Variants in TRMT11 observed in about 807,000 individuals in gnomAD.
The protein encoded by TRMT11 is tRNA methyltransferase 11.
In TRMT11, 53 loss-of-function variants were observed where a neutral mutation model predicts 62.8. That is an observed-to-expected ratio of 0.84 (90% CI 0.68 to 1.06). The LOEUF (loss-of-function observed/expected upper bound fraction) is 1.06. Ranked by LOEUF, TRMT11 falls within the 50% of genes least tolerant of loss-of-function variation. TRMT11 has a pLI of 0.00. For synonymous variants in TRMT11, 188 were observed against 190.3 expected, an observed-to-expected ratio of 0.99 and a Z score of 0.10; for missense variants, 556 against 553.4, an observed-to-expected ratio of 1.00 and a Z score of -0.05.
At chr6:126,258,174 C>A in the TRMT11 span, 1 of 720,568 alleles carries the variant, frequency 1.4e-6, no homozygotes. Context: ...CTTTGTAGCT[C>A]CTTGTGGTAA....
rs1562320759 is a variant in TRMT11 at position 126,091,201 on chromosome 6, CTCAAA to C, written c.*1438-21664_*1438-21660del. Among the ~76,000 whole-genome samples, 458 of 63,056 alleles carry C rather than the reference CTCAAA, an allele frequency of 7.3e-3. 4 individuals are homozygous for C. Among genetic ancestry groups the C allele is most frequent in the African/African-American group, 0.054 (445 of 8,302 alleles). 41.4% of individuals were successfully genotyped at this position (63,056 alleles called of 152,430 possible). A position where few individuals can be genotyped will look rare whatever the true frequency, so the allele number is the denominator to read the frequency against. ...CCTGGGTGACAGAGCGAGACTCCAT[CTCAAA>C]AAAAAAAAAAAAAATTTAGCTTAGA... On this transcript the variant is annotated intron_variant and NMD_transcript_variant, in intron 17 of 22. Coordinates refer to the TRMT11 transcript ENST00000648977.
the TRMT11 span, among the ~76,000 whole-genome samples, chr6:126,245,533 G>A: frequency 6.6e-6 from 1 of 152,206 alleles, no homozygotes; most frequent in East Asian, 1.9e-4. Context: ...ACTGGCAGAG[G>A]TACACATATC....
rs533287962 is a variant in TRMT11, at chr6:126,105,002, T to A, written c.*1438-7864T>A. 2.6e-5 allele frequency among the ~76,000 whole-genome samples: 4 copies of A among 152,350 alleles called. No homozygotes were observed. In the East Asian group the frequency reaches 5.8e-4, roughly 22 times the overall value. On this transcript the variant is annotated intron_variant and NMD_transcript_variant, in intron 17 of 22. Coordinates refer to the TRMT11 transcript ENST00000648977. The stretch of plus-strand genomic sequence containing the variant: ...TCCTGTGACTCATTTTTGGAGCTGA[T>A]CCGATAAGGAGTTATTCTCCAGACG...
At chr6:125,986,715 T>G (rs748085578) in intron 1 of TRMT11, 93 bp downstream of exon 1, 48 of 1,273,734 alleles carry the variant, frequency 3.8e-5, no homozygotes, top group Admixed American at 1.6e-4. Flanking sequence ...CCGAGGAAGC[T>G]GGGATTCGGG....
chr6:126,062,448 T>C (rs1330279772), intron 17 of TRMT11, among the ~76,000 whole-genome samples: 1 of 152,214 alleles, frequency 6.6e-6, no homozygotes, highest in Non-Finnish European at 1.5e-5. Flanking sequence ...AAGACTAATA[T>C]TGATTAATAA....
intron 21 of TRMT11, among the ~76,000 whole-genome samples, chr6:126,166,952 G>T (rs551035420): frequency 5.3e-4 from 81 of 152,208 alleles, no homozygotes; most frequent in African/African-American, 1.9e-3. Flanking sequence ...ATAATGACCA[G>T]TGTCCCACCC....
chr6:126,141,370 A>G lies in TRMT11; in HGVS notation c.*1823+25515A>G, dbSNP rs142465234. 4.6e-5 allele frequency among the ~76,000 whole-genome samples: 7 copies of G among 152,294 alleles called. No individual in the cohort carries two copies. The East Asian group carries it at 1.3e-3, about 29-fold the overall frequency. ...ATCAGTCAAATAAGTTAAATAGTCA[A>G]AAGTATTTGTGTTTTCACACACATG... On this transcript the variant is annotated intron_variant and NMD_transcript_variant, in intron 21 of 22. Coordinates refer to the TRMT11 transcript ENST00000648977.
the TRMT11 span, among the ~76,000 whole-genome samples, chr6:126,238,742 G>C: frequency 6.6e-6 from 1 of 152,058 alleles, no homozygotes; most frequent in African/African-American, 2.4e-5. Context: ...TGGTGCAGAG[G>C]TGTGTTCAAT....
Position 126,038,917 on chromosome 6 carries a change from A to C in TRMT11, c.*81A>C. 3 of 1,151,906 alleles carry C rather than the reference A, an allele frequency of 2.6e-6. No individual in the cohort carries two copies. The highest frequency in any genetic ancestry group is 2.4e-6 in the Non-Finnish European group (2 of 821,368). The allele number at this position is 1,151,906 out of a possible 1,614,324, so 71.4% of individuals were successfully genotyped here. A position where few individuals can be genotyped will look rare whatever the true frequency, so the allele number is the denominator to read the frequency against. On this transcript the variant is annotated 3_prime_UTR_variant, in exon 13 of 13. Transcript: ENST00000334379. ...GGATGTGAACTTTCATGTATGATCC[A>C]GAAAATAGGTACGGTTTTAAAATAT... is the stretch of plus-strand genomic sequence containing the variant.
chr6:126,011,369 A>G lies in TRMT11; in HGVS notation c.877A>G (p.Lys293Glu), dbSNP rs1794162708. The G allele has an allele frequency of 1.2e-6, 2 of 1,613,208 alleles. No homozygotes were observed. Among genetic ancestry groups the G allele is most frequent in the Non-Finnish European group, 1.7e-6 (2 of 1,179,356 alleles). ...TGATGTCCTGGTTTCAGATGCATCT[A>G]AACCTTCCTGGAGGAAGGGCACATA... is the stretch of plus-strand genomic sequence containing the variant. ...YLDVLVSDAS[K>E]PSWRKGTYFD... Residue 293 changes from lysine to glutamate, a missense_variant, in exon 9 of 13, where the codon AAA (lysine) becomes GAA (glutamate). Transcript: ENST00000334379.
chr6:126,086,962 G>T (rs1378463971), intron 17 of TRMT11, among the ~76,000 whole-genome samples: 3 of 152,032 alleles, frequency 2.0e-5, no homozygotes, highest in African/African-American at 7.2e-5. Context: ...ATTGTGTTCT[G>T]GTTCTCTTTT....
chr6:126,032,094 T>G (rs1447030839), intron 12 of TRMT11, among the ~76,000 whole-genome samples: 1 of 152,016 alleles, frequency 6.6e-6, no homozygotes, highest in Non-Finnish European at 1.5e-5. Context: ...GGATGATTGT[T>G]TTCTTGTATA....
At chr6:125,996,888 T>G (rs907532469) in intron 3 of TRMT11, among the ~76,000 whole-genome samples, 6 of 152,234 alleles carry the variant, frequency 3.9e-5, no homozygotes, top group African/African-American at 1.4e-4. Context: ...TTTAGTTAAC[T>G]TCATCCTATT....
chr6:126,174,832 G>A (rs546882748), upstream of TRMT11, among the ~76,000 whole-genome samples: 1 of 152,292 alleles, frequency 6.6e-6, no homozygotes, highest in East Asian at 1.9e-4. Context: ...CAGAGGAAAA[G>A]ACAGTGAGAG....
intron 12 of TRMT11, among the ~76,000 whole-genome samples, chr6:126,034,127 TA>T (rs144344061): frequency 8.8e-5 from 13 of 147,460 alleles, no homozygotes; most frequent in South Asian, 2.1e-4. Flanking sequence ...TAATTTCTAC[TA>T]AAAAAAAAAG....
intron 21 of TRMT11, among the ~76,000 whole-genome samples, chr6:126,117,335 A>C (rs1008812536): frequency 6.6e-6 from 1 of 152,032 alleles, no homozygotes; most frequent in Non-Finnish European, 1.5e-5. Context: ...TCTCTTTCTT[A>C]GTTCAAATAG....
intron 1 of TRMT11, among the ~76,000 whole-genome samples, chr6:125,987,343 G>A (rs1397454939): frequency 6.6e-6 from 1 of 152,002 alleles, no homozygotes; most frequent in Non-Finnish European, 1.5e-5. Flanking sequence ...GGAGTTAGAG[G>A]GCCAAGGAGA....
chr6:126,083,803 T>A (rs1777185956), intron 17 of TRMT11, among the ~76,000 whole-genome samples: 1 of 152,178 alleles, frequency 6.6e-6, no homozygotes, highest in African/African-American at 2.4e-5. Flanking sequence ...TGGTAAACAC[T>A]ATTTTGCTCT....
chr6:126,033,900 G>A (rs1391005099), intron 12 of TRMT11, among the ~76,000 whole-genome samples: 2 of 152,106 alleles, frequency 1.3e-5, no homozygotes, highest in Admixed American at 1.3e-4. Context: ...AAAATTCCTC[G>A]AGTGGTTTAT....
Sources: allele counts gnomAD v4.1 joint callset (sites outside exome capture counted in the v4.1 genomes callset), GRCh38; gene constraint gnomAD v4.1.1; transcripts MANE v1.5; gene names NCBI Gene and HGNC (gene_info 2026-07-23, HGNC 2026-07-21).